Variants in LSAMP observed in about 807,000 individuals in gnomAD.
LSAMP encodes the protein limbic system associated membrane protein.
In LSAMP, 7 loss-of-function variants were observed where a neutral mutation model predicts 38.6. That is an observed-to-expected ratio of 0.18 (90% CI 0.10 to 0.34). The LOEUF is 0.34. Ranked by LOEUF, LSAMP falls within the 10% of genes least tolerant of loss-of-function variation. The pLI is 1.00. For synonymous variants in LSAMP, 154 were observed against 166.8 expected (o/e 0.92, Z 0.59); for missense variants, 313 against 420.0 (o/e 0.75, Z 2.23).
intron 1 of LSAMP, among the ~76,000 whole-genome samples, chr3:116,221,690 C>A (rs2046286651): frequency 6.6e-6 from 1 of 152,190 alleles, no homozygotes; most frequent in Non-Finnish European, 1.5e-5. Flanking sequence ...TCTGGCAGAG[C>A]TGTTCTGATT....
intron 1 of LSAMP, among the ~76,000 whole-genome samples, chr3:116,239,982 T>A (rs1237587042): frequency 6.6e-6 from 1 of 152,182 alleles, no homozygotes; most frequent in African/African-American, 2.4e-5. Context: ...TTTCTTCCAT[T>A]TTTAAAAAGT....
intron 6 of LSAMP, among the ~76,000 whole-genome samples, chr3:115,831,957 GTAT>G (rs1157811905): frequency 1.3e-5 from 2 of 152,096 alleles, no homozygotes; most frequent in African/African-American, 4.8e-5. Flanking sequence ...TGGAATTCCA[GTAT>G]TATTATTATC....
chr3:115,949,069 A>G (rs1261577944), intron 3 of LSAMP, among the ~76,000 whole-genome samples: 1 of 152,064 alleles, frequency 6.6e-6, no homozygotes, highest in Non-Finnish European at 1.5e-5. Flanking sequence ...GGAGTTCGAG[A>G]CCAGCCTGTC....
In LSAMP at chr3:115,990,766, C is replaced by T. The variant is rs191217073; in HGVS notation, c.514+28749G>A. On this transcript the variant is annotated intron_variant, in intron 3 of 6. Transcript: ENST00000490035. ...CACACTAACATGAAGAGAAACAAAACGAGGTCTTAGGACATTTGTTCTCAA... is the reference window on the plus strand; with the variant it reads ...CACACTAACATGAAGAGAAACAAAATGAGGTCTTAGGACATTTGTTCTCAA... Among the ~76,000 whole-genome samples the T allele has an allele frequency of 2.0e-3, 306 of 152,128 alleles. 1 individual carries two copies. Among genetic ancestry groups the T allele is most frequent in the Non-Finnish European group, 3.3e-3 (226 of 67,958 alleles).
chr3:116,398,691 A>G (rs138408509), intron 1 of LSAMP, among the ~76,000 whole-genome samples: 1 of 152,302 alleles, frequency 6.6e-6, no homozygotes. Flanking sequence ...AGAGTCTGTA[A>G]TTTAGAAAAT....
intron 1 of LSAMP, among the ~76,000 whole-genome samples, chr3:116,130,858 T>C (rs1709111228): frequency 6.6e-6 from 1 of 152,052 alleles, no homozygotes; most frequent in Non-Finnish European, 1.5e-5. Context: ...TTCCTCTCTT[T>C]TCCTCCTCCT....
intron 1 of LSAMP, among the ~76,000 whole-genome samples, chr3:116,241,737 G>A (rs746404097): frequency 6.6e-6 from 1 of 152,158 alleles, no homozygotes; most frequent in Non-Finnish European, 1.5e-5. Flanking sequence ...GTCCATTTCT[G>A]AGGGTTGGGT....
intron 1 of LSAMP, among the ~76,000 whole-genome samples, chr3:116,127,708 T>A (rs1288390038): frequency 6.7e-6 from 1 of 148,960 alleles, no homozygotes; most frequent in Non-Finnish European, 1.5e-5. Flanking sequence ...TTTTTTTTTT[T>A]TTTTTTTTTT....
intron 1 of LSAMP, among the ~76,000 whole-genome samples, chr3:116,102,080 A>G (rs1409333738): frequency 6.6e-6 from 1 of 152,062 alleles, no homozygotes; most frequent in African/African-American, 2.4e-5. Context: ...ATTAGCAATT[A>G]TTTTTTCCTG....
intron 3 of LSAMP, among the ~76,000 whole-genome samples, chr3:115,954,434 G>T (rs1329973413): frequency 1.3e-5 from 2 of 152,200 alleles, no homozygotes; most frequent in Non-Finnish European, 2.9e-5. Flanking sequence ...ACCATAGGGA[G>T]CAAGAAAAAT....
chr3:116,215,259 A>G (rs1238775869), intron 1 of LSAMP, among the ~76,000 whole-genome samples: 4 of 152,182 alleles, frequency 2.6e-5, no homozygotes, highest in Non-Finnish European at 2.9e-5. Flanking sequence ...CCTTCCATCT[A>G]TGATGAAATC....
At chr3:116,239,004 A>G (rs2046498652) in intron 1 of LSAMP, among the ~76,000 whole-genome samples, 2 of 152,170 alleles carry the variant, frequency 1.3e-5, no homozygotes, top group Admixed American at 6.5e-5. Context: ...TCACAAGTTG[A>G]GAGTGCATTT....
At chr3:116,188,839 G>A (rs139271694) in intron 1 of LSAMP, among the ~76,000 whole-genome samples, 1 of 152,146 alleles carries the variant, frequency 6.6e-6, no homozygotes, top group Non-Finnish European at 1.5e-5. Flanking sequence ...CAGAAACTAC[G>A]ATAGAAAGAT....
At chr3:116,350,723 A>G (rs1234469986) in intron 1 of LSAMP, among the ~76,000 whole-genome samples, 2 of 151,976 alleles carry the variant, frequency 1.3e-5, no homozygotes, top group East Asian at 3.9e-4. Flanking sequence ...TTTCCTTAAC[A>G]TGAAAAGGTG....
chr3:116,113,405 TATATATATATA>T (rs1312408414), intron 1 of LSAMP, among the ~76,000 whole-genome samples: 4,345 of 62,804 alleles, frequency 0.069, 184 homozygotes, highest in Non-Finnish European at 0.097. Context: ...TTGCCCTATA[TATATATATATA>T]TATATTTTTT....
At chr3:115,865,315 C>A (rs1935826388) in intron 3 of LSAMP, among the ~76,000 whole-genome samples, 1 of 152,174 alleles carries the variant, frequency 6.6e-6, no homozygotes, top group Admixed American at 6.6e-5. Context: ...CCTTTGAACA[C>A]ATTTTCTATG....
intron 3 of LSAMP, among the ~76,000 whole-genome samples, chr3:115,944,041 A>G (rs1938017356): frequency 6.6e-6 from 1 of 152,164 alleles, no homozygotes; most frequent in Admixed American, 6.5e-5. Context: ...CAGCATTAAA[A>G]ACAATCATTA....
intron 1 of LSAMP, among the ~76,000 whole-genome samples, chr3:116,334,770 C>T (rs1306968650): frequency 6.6e-6 from 1 of 151,964 alleles, no homozygotes. Context: ...ATATGAAAAA[C>T]ACACAGCAAA....
intron 6 of LSAMP, among the ~76,000 whole-genome samples, chr3:115,839,688 C>T (rs1934933325): frequency 6.6e-6 from 1 of 152,192 alleles, no homozygotes; most frequent in Admixed American, 6.5e-5. Context: ...AATGCTGATG[C>T]ATGTGGTGCC....
Sources: allele counts gnomAD v4.1 joint callset (sites outside exome capture counted in the v4.1 genomes callset), GRCh38; gene constraint gnomAD v4.1.1; transcripts MANE v1.5; gene names NCBI Gene and HGNC (gene_info 2026-07-23, HGNC 2026-07-21).